CNTNAP5: variants seen among roughly 807,000 people sequenced by gnomAD.
CNTNAP5 encodes the protein contactin associated protein family member 5.
Under a neutral mutation model 150.2 loss-of-function variants are expected in CNTNAP5, and 72 were observed. That is an observed-to-expected ratio of 0.48 (90% CI 0.40 to 0.58). The LOEUF is 0.58. Ranked by LOEUF, CNTNAP5 falls within the 20% of genes least tolerant of loss-of-function variation. The probability of loss-of-function intolerance (pLI) is 0.00; values close to 1 mark genes in which losing one functional copy is unlikely to be tolerated. For missense variants in CNTNAP5, 1,636 were observed against 1,626.2 expected (o/e 1.01, Z -0.10); for synonymous variants, 672 against 619.8 (o/e 1.08, Z -1.25).
chr2:124,059,554 C>G lies in CNTNAP5; in HGVS notation c.82+33822C>G, dbSNP rs534918844. On this transcript the variant is annotated intron_variant, in intron 1 of 23. Coordinates refer to ENST00000682447, the MANE Select transcript of CNTNAP5 (RefSeq NM_001367498.1). ...CCCTCAGATTTTCCTGTCAAAATAA[C>G]CTGTAGCAGCCTTTGTCATACACGG... Among the ~76,000 whole-genome samples, 8 of 152,266 alleles carry G rather than the reference C, an allele frequency of 5.3e-5. No homozygotes were observed. The South Asian group carries it at 1.7e-3, about 32-fold the overall frequency.
At chr2:124,526,337 T>C (rs1694966093) in intron 9 of CNTNAP5, among the ~76,000 whole-genome samples, 1 of 151,828 alleles carries the variant, frequency 6.6e-6, no homozygotes, top group Non-Finnish European at 1.5e-5. Context: ...CAATTAGAAG[T>C]TGTAGCATCT....
Position 124,217,006 on chromosome 2 carries a change from A to G in CNTNAP5, c.83-4699A>G, listed in dbSNP as rs569469382. On this transcript the variant is annotated intron_variant, in intron 1 of 23. Transcript: ENST00000682447. ...GTTAAACTAGTTTACGGTCCCACCA[A>G]CAGTGTAAAAGTGTTCCTATCAGAG... 3.9e-5 allele frequency among the ~76,000 whole-genome samples: 6 copies of G among 152,298 alleles called. No individual in the cohort carries two copies. In the South Asian group the frequency reaches 1.2e-3, roughly 32 times the overall value.
intron 1 of CNTNAP5, among the ~76,000 whole-genome samples, chr2:124,148,836 C>T (rs79456193): frequency 6.6e-6 from 1 of 150,902 alleles, no homozygotes; most frequent in African/African-American, 2.4e-5. Context: ...AATATACACA[C>T]AGACACTATG....
chr2:124,276,813 G>A (rs1687893946), intron 3 of CNTNAP5, among the ~76,000 whole-genome samples: 1 of 152,130 alleles, frequency 6.6e-6, no homozygotes, highest in East Asian at 1.9e-4. Context: ...CACCAGCAGA[G>A]TAAACATATT....
At chr2:124,832,466 G>A (rs1447749670) in intron 19 of CNTNAP5, among the ~76,000 whole-genome samples, 6 of 151,996 alleles carry the variant, frequency 3.9e-5, no homozygotes, top group African/African-American at 1.4e-4. Flanking sequence ...ATTTAAACAA[G>A]ACAATTAGAC....
intron 13 of CNTNAP5, among the ~76,000 whole-genome samples, chr2:124,699,084 C>A (rs757382491): frequency 3.9e-5 from 6 of 152,084 alleles, no homozygotes; most frequent in African/African-American, 7.2e-5. Context: ...TTTAAATAGC[C>A]TCTATGGCTG....
intron 1 of CNTNAP5, among the ~76,000 whole-genome samples, chr2:124,198,366 A>G (rs935813913): frequency 1.3e-5 from 2 of 152,144 alleles, no homozygotes; most frequent in African/African-American, 2.4e-5. Context: ...TCTTATGTAT[A>G]TACATGTACC....
intron 17 of CNTNAP5, among the ~76,000 whole-genome samples, chr2:124,786,142 G>T (rs1308412136): frequency 1.3e-5 from 2 of 151,334 alleles, no homozygotes; most frequent in East Asian, 3.9e-4. Flanking sequence ...TGTGCTTTTG[G>T]TCCCAGCTAC....
chr2:124,147,691 G>A (rs1269203367), intron 1 of CNTNAP5, among the ~76,000 whole-genome samples: 7 of 152,206 alleles, frequency 4.6e-5, no homozygotes, highest in African/African-American at 4.8e-5. Flanking sequence ...GGGATGGAAC[G>A]GCTCTAACTA....
chr2:124,260,575 T>C (rs2699374), intron 3 of CNTNAP5, among the ~76,000 whole-genome samples: 80,618 of 152,134 alleles, frequency 0.53, 21,758 homozygotes, highest in African/African-American at 0.63. Flanking sequence ...TCAGAGTGAA[T>C]AGGCAACCTA....
chr2:124,843,350 T>C (rs1489104690), intron 19 of CNTNAP5, among the ~76,000 whole-genome samples: 1 of 152,004 alleles, frequency 6.6e-6, no homozygotes, highest in Non-Finnish European at 1.5e-5. Context: ...TAAACATGCA[T>C]GTGCAAGTAT....
intron 1 of CNTNAP5, among the ~76,000 whole-genome samples, chr2:124,146,128 C>A (rs947394810): frequency 2.6e-5 from 4 of 152,128 alleles, no homozygotes; most frequent in Non-Finnish European, 5.9e-5. Context: ...CAGAGAGGAG[C>A]AGGCAGGTGT....
At chr2:124,789,364 A>C (rs1246809454) in intron 17 of CNTNAP5, among the ~76,000 whole-genome samples, 1 of 152,124 alleles carries the variant, frequency 6.6e-6, no homozygotes, top group Non-Finnish European at 1.5e-5. Flanking sequence ...AGCTTGAGGG[A>C]GGGGGTTCCC....
chr2:124,514,233 C>G (rs1694656327), intron 8 of CNTNAP5, among the ~76,000 whole-genome samples: 1 of 151,972 alleles, frequency 6.6e-6, no homozygotes. Context: ...CTTTAAGATA[C>G]CAAGCAAAGG....
chr2:124,336,444 T>C (rs1689470702), intron 3 of CNTNAP5, among the ~76,000 whole-genome samples: 2 of 151,966 alleles, frequency 1.3e-5, no homozygotes, highest in Admixed American at 1.3e-4. Flanking sequence ...TACATATATA[T>C]ACATGTGCCA....
chr2:124,652,694 T>A (rs886977115), intron 13 of CNTNAP5, among the ~76,000 whole-genome samples: 1 of 152,120 alleles, frequency 6.6e-6, no homozygotes, highest in Non-Finnish European at 1.5e-5. Context: ...CTGCTGGGAA[T>A]GGGCATTGGA....
At chr2:124,702,183 A>G (rs952576998) in intron 13 of CNTNAP5, among the ~76,000 whole-genome samples, 3 of 151,886 alleles carry the variant, frequency 2.0e-5, no homozygotes, top group Admixed American at 6.6e-5. Context: ...GAATAACACA[A>G]CAAAACCAAA....
intron 11 of CNTNAP5, among the ~76,000 whole-genome samples, chr2:124,571,721 G>C (rs1696166181): frequency 6.6e-6 from 1 of 150,984 alleles, no homozygotes; most frequent in Non-Finnish European, 1.5e-5. Context: ...TAGTAGAAAT[G>C]GGGTTTCACC....
intron 3 of CNTNAP5, among the ~76,000 whole-genome samples, chr2:124,388,584 A>G (rs1690994687): frequency 6.6e-6 from 1 of 152,164 alleles, no homozygotes; most frequent in South Asian, 2.1e-4. Flanking sequence ...CAGAGCATTT[A>G]TATGTTCCCG....
Sources: allele counts gnomAD v4.1 joint callset (sites outside exome capture counted in the v4.1 genomes callset), GRCh38; gene constraint gnomAD v4.1.1; transcripts MANE v1.5; gene names NCBI Gene and HGNC (gene_info 2026-07-23, HGNC 2026-07-21).